LGR6: variants seen among roughly 807,000 people sequenced by gnomAD.
LGR6 encodes leucine-rich repeat-containing G protein-coupled receptor 6.
Under a neutral mutation model 69.4 loss-of-function variants are expected in LGR6, and 45 were observed. The ratio of observed to expected loss-of-function variants is 0.65; its 90% CI spans 0.51 to 0.83. The LOEUF is 0.83. LGR6 is among the 40% of genes least tolerant of loss of function. LGR6 has a pLI of 0.00. For missense variants in LGR6, 1,108 were observed against 1,246.7 expected (o/e 0.89, Z 1.68); for synonymous variants, 538 against 555.0 (o/e 0.97, Z 0.43).
Position 202,318,937 on chromosome 1 carries a change from C to G in LGR6, c.2634C>G (p.Leu878=). The change falls in exon 18 of 18, where the codon CTC becomes CTG. Residue 878 remains leucine, a synonymous_variant. Transcript: ENST00000367278. ...QALVAFSDVD[L]ILEASEAGRP... is the part of the protein sequence containing the mutation. ...TGGTAGCCTTCTCTGATGTGGATCT[C>G]ATTCTGGAAGCTTCTGAAGCTGGGC... 6.2e-7 allele frequency: 1 copy of G among 1,613,982 alleles called. No homozygotes were observed. Among genetic ancestry groups the G allele is most frequent in the Non-Finnish European group, 8.5e-7 (1 of 1,179,932 alleles).
Position 202,289,849 on chromosome 1 carries a change from A to G in LGR6, c.717-7659A>G, listed in dbSNP as rs183390917. Among the ~76,000 whole-genome samples, 3 of 152,280 alleles carry G rather than the reference A, an allele frequency of 2.0e-5. No individual in the cohort carries two copies. The East Asian group carries it at 5.8e-4, about 29-fold the overall frequency. On this transcript the variant is annotated intron_variant, in intron 6 of 17. Coordinates refer to ENST00000367278, the MANE Select transcript of LGR6 (RefSeq NM_001017403.2). The stretch of plus-strand genomic sequence containing the variant: ...GATAAAAGGCAATTCAGAGTTTACA[A>G]TCTCTCCAAAATTTCTGTGTTTTGC...
intron 1 of LGR6, among the ~76,000 whole-genome samples, chr1:202,212,135 C>T (rs144488179): frequency 2.0e-5 from 3 of 152,246 alleles, no homozygotes; most frequent in East Asian, 1.9e-4. Context: ...CAGTTTCGTA[C>T]GGTTGTCTAG....
At chr1:202,290,578 TAAAAA>T (rs201104351) in intron 6 of LGR6, among the ~76,000 whole-genome samples, 1 of 151,528 alleles carries the variant, frequency 6.6e-6, no homozygotes, top group African/African-American at 2.4e-5. Flanking sequence ...TCCTCATCAA[TAAAAA>T]AAAGGGGGGC....
intron 4 of LGR6, among the ~76,000 whole-genome samples, chr1:202,246,552 G>A (rs1415181346): frequency 1.3e-5 from 2 of 150,486 alleles, no homozygotes; most frequent in Middle Eastern, 3.4e-3. Flanking sequence ...TAAAACAAGG[G>A]CCCTGCCTTT....
chr1:202,266,887 C>G (rs1464801982), intron 4 of LGR6, among the ~76,000 whole-genome samples: 1 of 133,978 alleles, frequency 7.5e-6, no homozygotes, highest in East Asian at 2.5e-4. Flanking sequence ...CTCTCTTTTC[C>G]TCTCTCTCTA....
intron 3 of LGR6, among the ~76,000 whole-genome samples, chr1:202,232,889 C>G (rs1661208190): frequency 6.6e-6 from 1 of 152,172 alleles, no homozygotes; most frequent in African/African-American, 2.4e-5. Context: ...GAGCCTTCAC[C>G]TCCTCATCTT....
At chr1:202,216,558 T>C (rs1659796552) in intron 1 of LGR6, among the ~76,000 whole-genome samples, 1 of 152,214 alleles carries the variant, frequency 6.6e-6, no homozygotes, top group South Asian at 2.1e-4. Context: ...TTTAATGAAC[T>C]TAAATATAGT....
intron 7 of LGR6, among the ~76,000 whole-genome samples, chr1:202,297,969 C>A (rs920162409): frequency 6.6e-6 from 1 of 152,224 alleles, no homozygotes; most frequent in Non-Finnish European, 1.5e-5. Flanking sequence ...ACCTTGTCCC[C>A]AGGGGTACTG....
At chr1:202,299,478 A>G (rs1031236219) in intron 7 of LGR6, among the ~76,000 whole-genome samples, 5 of 152,096 alleles carry the variant, frequency 3.3e-5, no homozygotes, top group African/African-American at 1.2e-4. Context: ...TAGCAGGGAC[A>G]AAAATATATG....
chr1:202,198,854 A>C (rs921401799), intron 1 of LGR6, among the ~76,000 whole-genome samples: 1 of 151,452 alleles, frequency 6.6e-6, no homozygotes, highest in Non-Finnish European at 1.5e-5. Flanking sequence ...CTTGGAGAGG[A>C]TGTGTTGTGA....
chr1:202,286,864 C>T (rs552339034), intron 6 of LGR6, among the ~76,000 whole-genome samples: 1 of 152,318 alleles, frequency 6.6e-6, no homozygotes, highest in East Asian at 1.9e-4. Flanking sequence ...CCCAGCACAA[C>T]ATTCCTTTTC....
chr1:202,220,155 C>T (rs567645116), intron 1 of LGR6, among the ~76,000 whole-genome samples: 78 of 152,228 alleles, frequency 5.1e-4, no homozygotes, highest in African/African-American at 1.8e-3. Context: ...GCTGGGATTA[C>T]AGGCATGAGC....
chr1:202,273,698 C>T (rs572619899), intron 4 of LGR6, among the ~76,000 whole-genome samples: 3 of 152,096 alleles, frequency 2.0e-5, no homozygotes, highest in African/African-American at 7.2e-5. Flanking sequence ...TCAGGTGATC[C>T]GCCCACCTCA....
intron 3 of LGR6, among the ~76,000 whole-genome samples, chr1:202,230,748 G>A (rs1010155117): frequency 2.0e-5 from 3 of 152,226 alleles, no homozygotes; most frequent in Non-Finnish European, 4.4e-5. Context: ...AGAGAGCTGG[G>A]TGAGGCCTGA....
At position 202,310,320 on chromosome 1, in the gene LGR6, G is replaced by A. The variant is rs971568602; in HGVS notation, c.1530G>A (p.Arg510=). 6.2e-7 allele frequency: 1 copy of A among 1,613,970 alleles called. No homozygotes were observed. Among genetic ancestry groups the A allele is most frequent in the South Asian group, 1.1e-5 (1 of 91,070 alleles). Residue 510 remains arginine, a synonymous_variant, in exon 16 of 18, where the codon AGG becomes AGA. Transcript: ENST00000367278. ...LHLDDEESSK[R]PLGLLARQAE... is the part of the protein sequence containing the mutation. ...TTGATGATGAGGAGTCTTCAAAAAG[G>A]CCCCTGGGCCTCCTTGCCAGACAAG...
intron 6 of LGR6, among the ~76,000 whole-genome samples, chr1:202,292,248 A>G (rs1157475036): frequency 6.6e-6 from 1 of 152,218 alleles, no homozygotes; most frequent in Non-Finnish European, 1.5e-5. Context: ...TCAGTTTTGC[A>G]TTTTAAAAAG....
At chr1:202,204,358 C>CAACACACACACACCTCCA (rs1558003425) in intron 1 of LGR6, among the ~76,000 whole-genome samples, 1 of 110,736 alleles carries the variant, frequency 9.0e-6, no homozygotes, top group Non-Finnish European at 1.9e-5. Flanking sequence ...ACACACACCT[C>CAACACACACACACCTCCA]CACACACACA....
At chr1:202,214,091 G>A in intron 1 of LGR6, 2 of 1,394,952 alleles carry the variant, frequency 1.4e-6, no homozygotes, top group Non-Finnish European at 1.9e-6. Context: ...AACGAGAGAG[G>A]ATCAGCGCGG....
At chr1:202,258,970 C>G (rs943966475) in intron 4 of LGR6, among the ~76,000 whole-genome samples, 4 of 151,888 alleles carry the variant, frequency 2.6e-5, no homozygotes, top group Non-Finnish European at 5.9e-5. Flanking sequence ...AAGTATTTCT[C>G]TGTGTCAATA....
Sources: allele counts gnomAD v4.1 joint callset (sites outside exome capture counted in the v4.1 genomes callset), GRCh38; gene constraint gnomAD v4.1.1; transcripts MANE v1.5; gene names NCBI Gene and HGNC (gene_info 2026-07-23, HGNC 2026-07-21).